CHRNA5: variants seen among roughly 807,000 people sequenced by gnomAD.
The protein encoded by CHRNA5 is neuronal acetylcholine receptor subunit alpha-5.
CHRNA5 carries 28 observed loss-of-function variants against 41.2 expected under a neutral mutation model. That is an observed-to-expected ratio of 0.68 (90% CI 0.50 to 0.93). CHRNA5 has a LOEUF of 0.93. CHRNA5 is among the 40% of genes least tolerant of loss of function. CHRNA5 has a pLI of 0.00. For synonymous variants in CHRNA5, 188 were observed against 205.8 expected, an observed-to-expected ratio of 0.91 and a Z score of 0.74; for missense variants, 481 against 581.9, an observed-to-expected ratio of 0.83 and a Z score of 1.78.
At position 78,580,822 on chromosome 15, in the gene CHRNA5, C is replaced by A. The variant is rs201999654; in HGVS notation, c.118C>A (p.Pro40Thr). 12 of 1,611,766 alleles carry A rather than the reference C, an allele frequency of 7.4e-6. No individual in the cohort carries two copies. The highest frequency in any genetic ancestry group is 9.3e-6 in the Non-Finnish European group (11 of 1,178,234). Reference sequence around the variant, plus strand: ...AATTTGTTATACAGGATTATCTGAACCTTCTTCTATTGCAAAACATGAAGA... The same window carrying A: ...AATTTGTTATACAGGATTATCTGAAACTTCTTCTATTGCAAAACATGAAGA... Residue 40 changes from proline (P) to threonine (T), a missense_variant, in exon 2 of 6, where the codon CCT becomes ACT. Coordinates refer to ENST00000299565, the Ensembl canonical transcript of CHRNA5.
chr15:78,590,172 T>C (rs1309089415), exon 5 of CHRNA5: 33 of 1,614,028 alleles, frequency 2.0e-5, no homozygotes, highest in Non-Finnish European at 2.8e-5. Context: ...TATAATACCC[T>C]GTATTGGGCT....
chr15:78,583,994 G>C (rs528362192), intron 2 of CHRNA5, among the ~76,000 whole-genome samples: 1 of 152,266 alleles, frequency 6.6e-6, no homozygotes, highest in Non-Finnish European at 1.5e-5. Flanking sequence ...TGATCCTTGA[G>C]GAACATTTGT....
intron 3 of CHRNA5, among the ~76,000 whole-genome samples, chr15:78,586,994 C>A (rs560780035): frequency 6.6e-6 from 1 of 152,162 alleles, no homozygotes; most frequent in East Asian, 1.9e-4. Flanking sequence ...TAAGGACATA[C>A]CCAAGGCTGG....
At chr15:78,580,067 G>T (rs933012647) in intron 1 of CHRNA5, among the ~76,000 whole-genome samples, 2 of 151,856 alleles carry the variant, frequency 1.3e-5, no homozygotes, top group Admixed American at 6.6e-5. Flanking sequence ...ATTGCTGAAG[G>T]TCAGAAGTTC....
At chr15:78,584,595 A>T (rs1009793702) in intron 2 of CHRNA5, among the ~76,000 whole-genome samples, 1 of 152,132 alleles carries the variant, frequency 6.6e-6, no homozygotes, top group Non-Finnish European at 1.5e-5. Context: ...TTATTCTTTT[A>T]TCTGTGTTAT....
intron 5 of CHRNA5, 158 bp from the exon 6 acceptor site, chr15:78,592,934 A>AGT: frequency 1.4e-6 from 1 of 696,570 alleles, no homozygotes. Context: ...CCTTCAGGCT[A>AGT]GTGTCTGTCC....
At chr15:78,590,674 A>AT in intron 5 of CHRNA5, 38 bp downstream of exon 5, 10 of 1,528,388 alleles carry the variant, frequency 6.5e-6, no homozygotes, top group Non-Finnish European at 8.0e-6. Context: ...ATCTTCTTCC[A>AT]TTTTAAGTTC....
In CHRNA5 at chr15:78,589,479, C is replaced by T. The variant is rs185227304; in HGVS notation, c.414-326C>T. The T allele has an allele frequency of 2.5e-4, 51 of 206,156 alleles. No homozygotes were observed. In the East Asian group the frequency reaches 4.7e-3, roughly 19 times the overall value. 12.8% of individuals were successfully genotyped at this position (206,156 alleles called of 1,614,324 possible). A position where few individuals can be genotyped will look rare whatever the true frequency, so the allele number is the denominator to read the frequency against. On this transcript the variant is annotated intron_variant, in intron 4 of 5. Coordinates refer to ENST00000299565, the Ensembl canonical transcript of CHRNA5. ...TGTGGATTCAGGTTCTGGCTGTATG[C>T]GTGCCCATTGTGTCAATAGCCTGAG...
intron 1 of CHRNA5, among the ~76,000 whole-genome samples, chr15:78,568,442 C>T (rs1030592188): frequency 6.6e-6 from 1 of 151,374 alleles, no homozygotes; most frequent in Non-Finnish European, 1.5e-5. Context: ...TATTTCTTAG[C>T]TGTGTGACAT....
At chr15:78,587,324 G>A (rs1036043565) in intron 3 of CHRNA5, among the ~76,000 whole-genome samples, 3 of 152,080 alleles carry the variant, frequency 2.0e-5, no homozygotes, top group Admixed American at 6.6e-5. Context: ...TATTGGGGTC[G>A]GGGGTGTACT....
intron 1 of CHRNA5, among the ~76,000 whole-genome samples, chr15:78,573,792 ATTT>A (rs775402423): frequency 1.4e-5 from 2 of 139,792 alleles, no homozygotes; most frequent in Admixed American, 7.2e-5. Context: ...TGTTCCTAGA[ATTT>A]TTTTTTTTTT....
intron 1 of CHRNA5, among the ~76,000 whole-genome samples, chr15:78,580,279 C>CCAA (rs369002061): frequency 1.6e-5 from 1 of 61,980 alleles, no homozygotes; most frequent in Non-Finnish European, 3.0e-5. Flanking sequence ...GACTCCGTCT[C>CCAA]AAAAAAAAAA....
At chr15:78,569,654 C>T (rs1366498406) in intron 1 of CHRNA5, among the ~76,000 whole-genome samples, 4 of 151,508 alleles carry the variant, frequency 2.6e-5, no homozygotes, top group Non-Finnish European at 4.4e-5. Flanking sequence ...AGGATGGTCT[C>T]GATCTCCTGA....
chr15:78,573,963 ATTTTTTTTT>A (rs979485573), intron 1 of CHRNA5, among the ~76,000 whole-genome samples: 25 of 102,072 alleles, frequency 2.4e-4, no homozygotes, highest in Middle Eastern at 6.4e-3. Context: ...CGCCTGGCTA[ATTTTTTTTT>A]TTTTTTTTTT....
chr15:78,580,908 G>C, exon 2 of CHRNA5: 2 of 1,614,108 alleles, frequency 1.2e-6, no homozygotes, highest in Non-Finnish European at 8.5e-7. Flanking sequence ...TGGAACACCT[G>C]AATGACAAAA....
chr15:78,589,841 A>T, exon 5 of CHRNA5: 1 of 1,607,976 alleles, frequency 6.2e-7, no homozygotes, highest in Non-Finnish European at 8.5e-7. Context: ...GTACGAAAAC[A>T]GTCATCAGGT....
In CHRNA5 at chr15:78,588,475, T is replaced by C. The variant is rs764085194; in HGVS notation, c.413+52T>C. 1.1e-6 allele frequency: 1 copy of C among 882,230 alleles called. No individual in the cohort carries two copies. The highest frequency in any genetic ancestry group is 3.0e-5 in the East Asian group (1 of 33,650). The allele number at this position is 882,230 out of a possible 1,614,324, so 54.7% of individuals were successfully genotyped here. ...ATATTTTCAAAAGAAAACATTTGTA[T>C]TTCTATTAGGCACTAATAATTTTTC... On this transcript the variant is annotated intron_variant, in intron 4 of 5. Coordinates refer to ENST00000299565, the Ensembl canonical transcript of CHRNA5. This position sits in a 1 kb window ranked among gnomAD's most constrained non-coding sequence, Gnocchi z 4.1.
chr15:78,567,775 C>T (rs1221101058), intron 1 of CHRNA5, among the ~76,000 whole-genome samples: 1 of 152,154 alleles, frequency 6.6e-6, no homozygotes, highest in Non-Finnish European at 1.5e-5. Flanking sequence ...TAAAGGATCC[C>T]CCTTCCACCT....
At chr15:78,580,319 G>T (rs142805349) in intron 1 of CHRNA5, among the ~76,000 whole-genome samples, 182 of 140,352 alleles carry the variant, frequency 1.3e-3, no homozygotes, top group African/African-American at 4.7e-3. Flanking sequence ...GCAAATTAAA[G>T]CAATTTTAAC....
Sources: gnomAD v4.1 joint callset for allele counts (sites outside exome capture counted in the v4.1 genomes callset) on GRCh38, gnomAD v4.1.1 for gene constraint, Gnocchi (gnomAD v3.1) non-coding constraint, MANE v1.5 for transcripts, NCBI Gene and HGNC (gene_info 2026-07-23, HGNC 2026-07-21) for gene names.